Variants in OSBPL11 observed in about 807,000 individuals in gnomAD.
The protein encoded by OSBPL11 is oxysterol binding protein like 11.
In OSBPL11, 33 loss-of-function variants were observed where a neutral mutation model predicts 84.4. That is an observed-to-expected ratio of 0.39 (90% CI 0.30 to 0.52). The LOEUF (loss-of-function observed/expected upper bound fraction) is 0.52. OSBPL11 is among the 20% of genes least tolerant of loss of function. The probability of loss-of-function intolerance (pLI) is 0.72; values close to 1 mark genes in which losing one functional copy is unlikely to be tolerated. For synonymous variants in OSBPL11, 276 were observed against 310.2 expected, an observed-to-expected ratio of 0.89 and a Z score of 1.16; for missense variants, 736 against 901.1, an observed-to-expected ratio of 0.82 and a Z score of 2.35.
chr3:125,535,978 C>T (rs933288917), intron 11 of OSBPL11, among the ~76,000 whole-genome samples: 17 of 151,296 alleles, frequency 1.1e-4, no homozygotes, highest in African/African-American at 3.9e-4. Context: ...ATTAAAAATA[C>T]AAAAAAATCA....
intron 10 of OSBPL11, among the ~76,000 whole-genome samples, chr3:125,542,803 C>T (rs1449644150): frequency 6.6e-6 from 1 of 152,152 alleles, no homozygotes; most frequent in Admixed American, 6.5e-5. Context: ...AGCCACCACG[C>T]CCAGCCTAAT....
At chr3:125,566,722 T>C (rs909073131) in intron 6 of OSBPL11, among the ~76,000 whole-genome samples, 1 of 152,066 alleles carries the variant, frequency 6.6e-6, no homozygotes, top group Non-Finnish European at 1.5e-5. Context: ...AACATTTCCC[T>C]AGCACAATTA....
chr3:125,557,520 T>C (rs1361768818), intron 8 of OSBPL11, among the ~76,000 whole-genome samples: 1 of 152,146 alleles, frequency 6.6e-6, no homozygotes, highest in African/African-American at 2.4e-5. Context: ...CAGCTGAGAT[T>C]ACAGGCGTGC....
At chr3:125,547,066 C>T (rs1440774244) in intron 10 of OSBPL11, among the ~76,000 whole-genome samples, 1 of 152,170 alleles carries the variant, frequency 6.6e-6, no homozygotes, top group Non-Finnish European at 1.5e-5. Flanking sequence ...TCCACCCTAA[C>T]TTATAGCTAT....
At chr3:125,588,452 C>G (rs1936548388) in intron 1 of OSBPL11, among the ~76,000 whole-genome samples, 1 of 152,102 alleles carries the variant, frequency 6.6e-6, no homozygotes, top group South Asian at 2.1e-4. Flanking sequence ...TGAGCCAATT[C>G]CTCATAATCT....
At chr3:125,569,852 A>G (rs1304383253) in intron 5 of OSBPL11, among the ~76,000 whole-genome samples, 1 of 152,224 alleles carries the variant, frequency 6.6e-6, no homozygotes, top group African/African-American at 2.4e-5. Context: ...CAGTTTTAGA[A>G]GCATCAAAAA....
rs571392462 is a variant in OSBPL11, at chr3:125,595,073, G to A, written c.-273C>T. ...CAAAAGCAAGGAGGAAAAAGCATCC[G>A]GCGAGAAGACTTAAGTGACATACTC... is the stretch of plus-strand genomic sequence containing the variant. On this transcript the variant is annotated 5_prime_UTR_variant, in exon 1 of 13. Transcript: ENST00000296220. 6.4e-5 allele frequency: 23 copies of A among 362,078 alleles called. No individual in the cohort carries two copies. The highest frequency in any genetic ancestry group is 3.9e-4 in the African/African-American group (19 of 48,918). The allele number at this position is 362,078 out of a possible 1,614,324, so 22.4% of individuals were successfully genotyped here.
chr3:125,570,615 A>C (rs1286272863), intron 5 of OSBPL11, among the ~76,000 whole-genome samples: 1 of 151,942 alleles, frequency 6.6e-6, no homozygotes, highest in Non-Finnish European at 1.5e-5. Context: ...ATTATGGGGG[A>C]AGGTCTTTCC....
At chr3:125,536,615 C>A (rs542394294) in intron 11 of OSBPL11, among the ~76,000 whole-genome samples, 3 of 152,216 alleles carry the variant, frequency 2.0e-5, no homozygotes, top group African/African-American at 7.2e-5. Context: ...AATTGTTTTT[C>A]TTTAAGTATC....
At chr3:125,539,835 G>T (rs1432497591) in intron 10 of OSBPL11, among the ~76,000 whole-genome samples, 1 of 152,120 alleles carries the variant, frequency 6.6e-6, no homozygotes, top group Non-Finnish European at 1.5e-5. Flanking sequence ...CAGAACTTAG[G>T]GAATGATAGG....
intron 11 of OSBPL11, among the ~76,000 whole-genome samples, chr3:125,535,439 C>CTTTTTTTTTT (rs763678488): frequency 1.2e-5 from 1 of 84,296 alleles, no homozygotes; most frequent in African/African-American, 4.6e-5. Context: ...TCAGAAGCAT[C>CTTTTTTTTTT]TTTTTTTTTT....
intron 4 of OSBPL11, among the ~76,000 whole-genome samples, chr3:125,577,161 TACAA>T (rs1936338623): frequency 1.3e-5 from 2 of 152,038 alleles, no homozygotes; most frequent in Admixed American, 6.5e-5. Flanking sequence ...AGGCCGAAAT[TACAA>T]ACAGTTTTTA....
chr3:125,593,326 A>C (rs946695666), intron 1 of OSBPL11, among the ~76,000 whole-genome samples: 2 of 152,126 alleles, frequency 1.3e-5, no homozygotes, highest in Non-Finnish European at 2.9e-5. Flanking sequence ...TACCAATAAA[A>C]AGTTATCTTC....
chr3:125,552,336 T>C lies in OSBPL11; in HGVS notation c.1499A>G (p.Tyr500Cys). 2 of 1,614,090 alleles carry C rather than the reference T, an allele frequency of 1.2e-6. No homozygotes were observed. Among genetic ancestry groups the C allele is most frequent in the Non-Finnish European group, 1.7e-6 (2 of 1,180,012 alleles). Residue 500 changes from tyrosine (Y) to cysteine (C), a missense_variant, in exon 9 of 13, where the codon TAC (tyrosine) becomes TGC (cysteine). Transcript: ENST00000296220. Reference sequence around the variant, plus strand: ...CTGCTCAGCAACAAATCTGACTGTGTAACAGTCTGATCCCACCTGGGTCAA... The same window carrying C: ...CTGCTCAGCAACAAATCTGACTGTGCAACAGTCTGATCCCACCTGGGTCAA... ...ESLTQVGSDC[Y>C]TVRFVAEQVS...
chr3:125,552,478 T>C lies in OSBPL11; in HGVS notation c.1357A>G (p.Ile453Val). Residue 453 changes from isoleucine (I) to valine (V), a missense_variant, in exon 9 of 13, where the codon ATT (isoleucine) becomes GTT (valine). Physicochemically the swap from Ile to Val is conservative, Grantham distance 29. This residue lies in a region of OSBPL11 where 579 missense variants were observed against 717.6 expected (regional missense o/e 0.81). Coordinates refer to ENST00000296220, the MANE Select transcript of OSBPL11 (RefSeq NM_022776.5). ...AIAKKPYNPI[I>V]GETFHCSWKM... ...CAGGAACAGTGAAATGTTTCTCCAATGATAGGATTGTATGGTTTTTTAGCA... is the reference window on the plus strand; with the variant it reads ...CAGGAACAGTGAAATGTTTCTCCAACGATAGGATTGTATGGTTTTTTAGCA... The C allele has an allele frequency of 6.2e-7, 1 of 1,614,212 alleles. No individual in the cohort carries two copies.
intron 10 of OSBPL11, among the ~76,000 whole-genome samples, chr3:125,540,190 G>C (rs936403475): frequency 2.0e-5 from 3 of 151,888 alleles, no homozygotes; most frequent in Non-Finnish European, 4.4e-5. Flanking sequence ...TTAGCTGGGC[G>C]TAGTGGCACA....
At chr3:125,562,209 A>T (rs1936088694) in intron 7 of OSBPL11, among the ~76,000 whole-genome samples, 1 of 152,194 alleles carries the variant, frequency 6.6e-6, no homozygotes, top group Non-Finnish European at 1.5e-5. Context: ...TAAGAAAAAA[A>T]TATATTGCTT....
chr3:125,561,294 G>A (rs1446009179), intron 7 of OSBPL11, among the ~76,000 whole-genome samples: 1 of 152,138 alleles, frequency 6.6e-6, no homozygotes, highest in Non-Finnish European at 1.5e-5. Flanking sequence ...CACCACACCC[G>A]GCCCCTTAAT....
rs1264723476 is a variant in OSBPL11, at chr3:125,547,512, G to C, written c.1735C>G (p.Pro579Ala). The change falls in exon 10 of 13, where the codon CCT (proline) becomes GCT (alanine). Residue 579 changes from proline (P) to alanine (A), a missense_variant. By Grantham distance (27) the Pro-to-Ala change is conservative. Transcript: ENST00000296220. ...CAYARSILTV[P>A]WVELGGKVSV... ...ACTTTGCCACCCAGTTCTACCCAAGGAACAGTCAAAATTGACCGAGCATAT... is the reference window on the plus strand; with the variant it reads ...ACTTTGCCACCCAGTTCTACCCAAGCAACAGTCAAAATTGACCGAGCATAT... 1.2e-6 allele frequency: 2 copies of C among 1,613,968 alleles called. No homozygotes were observed. Among genetic ancestry groups the C allele is most frequent in the Non-Finnish European group, 1.7e-6 (2 of 1,179,884 alleles).
Sources: allele counts gnomAD v4.1 joint callset (sites outside exome capture counted in the v4.1 genomes callset), GRCh38; gene constraint gnomAD v4.1.1; regional missense constraint gnomAD v4.1.1; transcripts MANE v1.5; gene names NCBI Gene and HGNC (gene_info 2026-07-23, HGNC 2026-07-21).